IGSF21: variants seen among roughly 807,000 people sequenced by gnomAD.
The protein encoded by IGSF21 is immunoglobulin superfamily member 21.
Under a neutral mutation model 46.8 loss-of-function variants are expected in IGSF21, and 28 were observed. That is an observed-to-expected ratio of 0.60 (90% CI 0.44 to 0.82). IGSF21 has a LOEUF of 0.82. IGSF21 is among the 40% of genes least tolerant of loss of function. IGSF21 has a pLI of 0.00. For missense variants in IGSF21, 624 were observed against 665.5 expected, an observed-to-expected ratio of 0.94 and a Z score of 0.69; for synonymous variants, 284 against 273.6, an observed-to-expected ratio of 1.04 and a Z score of -0.38.
chr1:18,246,398 G>A (rs2084784083), intron 2 of IGSF21, among the ~76,000 whole-genome samples: 1 of 152,024 alleles, frequency 6.6e-6, no homozygotes, highest in Admixed American at 6.6e-5. Context: ...CCCAGCATCT[G>A]ACAGCCCTAT....
At chr1:18,115,497 C>A (rs1476715243) in intron 1 of IGSF21, 2 of 152,208 alleles carry the variant, frequency 1.3e-5, no homozygotes, top group Non-Finnish European at 2.9e-5. Flanking sequence ...AATGATGTCT[C>A]CCCTGAGCCT....
At chr1:18,371,158 A>G (rs1330778927) in intron 6 of IGSF21, among the ~76,000 whole-genome samples, 4 of 152,246 alleles carry the variant, frequency 2.6e-5, no homozygotes, top group African/African-American at 9.6e-5. Context: ...AATAATCTAA[A>G]TGTCCATAAT....
chr1:18,108,345 T>C, intron 1 of IGSF21, 147 bp downstream of exon 1: 1 of 815,058 alleles, frequency 1.2e-6, no homozygotes, highest in Non-Finnish European at 1.6e-6. Context: ...GTTGGCTCGA[T>C]GAGGGAGGGA....
intron 1 of IGSF21, among the ~76,000 whole-genome samples, chr1:18,197,502 T>G (rs2124480363): frequency 6.6e-6 from 1 of 152,382 alleles, no homozygotes; most frequent in East Asian, 1.9e-4. Context: ...CCATTCACCC[T>G]GCTGGATGTT....
intron 9 of IGSF21, among the ~76,000 whole-genome samples, chr1:18,377,958 G>C (rs1211078515): frequency 6.6e-6 from 1 of 152,122 alleles, no homozygotes; most frequent in Non-Finnish European, 1.5e-5. Context: ...CTGCTCCCAG[G>C]CCTGCCACAC....
chr1:18,216,651 C>G (rs2084451526), intron 1 of IGSF21, among the ~76,000 whole-genome samples: 1 of 152,120 alleles, frequency 6.6e-6, no homozygotes, highest in African/African-American at 2.4e-5. Flanking sequence ...GTCTTAGAGA[C>G]TGATGACCTG....
chr1:18,143,607 G>A (rs2086438480), intron 1 of IGSF21, among the ~76,000 whole-genome samples: 1 of 152,142 alleles, frequency 6.6e-6, no homozygotes, highest in African/African-American at 2.4e-5. Flanking sequence ...TGTTCCCATG[G>A]CCTGGCAGAG....
chr1:18,177,401 G>GGGGATGGGGTCAGTGAGGTA (rs59182805), intron 1 of IGSF21, among the ~76,000 whole-genome samples: 25,838 of 94,298 alleles, frequency 0.27, 3,022 homozygotes, highest in African/African-American at 0.36. Flanking sequence ...AGGTGTGTGT[G>GGGGATGGGGTCAGTGAGGTA]TGTGTGTGTG....
At chr1:18,227,836 C>A in intron 1 of IGSF21, 62 bp from the exon 2 acceptor site, 1 of 1,232,954 alleles carries the variant, frequency 8.1e-7, no homozygotes, top group South Asian at 1.2e-5. Flanking sequence ...GCCCTGCCCT[C>A]ATCAGCCCAG....
intron 1 of IGSF21, among the ~76,000 whole-genome samples, chr1:18,154,873 C>T (rs2086554351): frequency 6.6e-6 from 1 of 151,812 alleles, no homozygotes; most frequent in Non-Finnish European, 1.5e-5. Context: ...CCTTGGAGAC[C>T]CTTGCAACTG....
intron 1 of IGSF21, among the ~76,000 whole-genome samples, chr1:18,154,201 C>T (rs1401167698): frequency 1.3e-5 from 2 of 152,272 alleles, no homozygotes; most frequent in East Asian, 3.9e-4. Context: ...TCATTTGCTT[C>T]GCTGGCCTGA....
intron 1 of IGSF21, among the ~76,000 whole-genome samples, chr1:18,148,594 G>A (rs1345695225): frequency 2.0e-5 from 3 of 152,152 alleles, no homozygotes; most frequent in Non-Finnish European, 4.4e-5. Context: ...CACAACACTA[G>A]GCTGTAAATT....
Position 18,195,981 on chromosome 1 carries a change from C to T in IGSF21, c.71-31917C>T, listed in dbSNP as rs143732246. Among the ~76,000 whole-genome samples, 751 of 152,286 alleles carry T rather than the reference C, an allele frequency of 4.9e-3. 6 individuals are homozygous for T. The highest frequency in any genetic ancestry group is 8.1e-3 in the Non-Finnish European group (552 of 68,026). ...CAGGTGCAGAGCCCTTGGGCAAAAG[C>T]GAGAGCTCAGCCTTCTGGAACTGCA... On this transcript the variant is annotated intron_variant, in intron 1 of 9. Transcript: ENST00000251296.
At position 18,273,039 on chromosome 1, in the gene IGSF21, C is replaced by CTT. The variant is rs760448516; in HGVS notation, c.184-18803_184-18802dup. On this transcript the variant is annotated intron_variant, in intron 2 of 9. Coordinates refer to ENST00000251296, the MANE Select transcript of IGSF21 (RefSeq NM_032880.5). ...CTTCTCCACTAGCAGCCAGACGGATCTTTTTTTTTTTTTTTTTTTTTTTTT... is the reference window on the plus strand; with the variant it reads ...CTTCTCCACTAGCAGCCAGACGGATCTTTTTTTTTTTTTTTTTTTTTTTTTTT... 1.4e-3 allele frequency among the ~76,000 whole-genome samples: 111 copies of CTT among 80,690 alleles called. 1 individual carries two copies. The highest frequency in any genetic ancestry group is 7.2e-3 in the East Asian group (23 of 3,210). 52.9% of individuals were successfully genotyped at this position (80,690 alleles called of 152,430 possible). A position where few individuals can be genotyped will look rare whatever the true frequency, so the allele number is the denominator to read the frequency against.
intron 3 of IGSF21, among the ~76,000 whole-genome samples, chr1:18,301,077 C>T (rs1043796315): frequency 6.6e-6 from 1 of 152,202 alleles, no homozygotes; most frequent in African/African-American, 2.4e-5. Flanking sequence ...AACTCTTTCC[C>T]AACCCATCAT....
intron 2 of IGSF21, among the ~76,000 whole-genome samples, chr1:18,238,701 A>T (rs966999515): frequency 6.6e-6 from 1 of 152,140 alleles, no homozygotes; most frequent in Admixed American, 6.5e-5. Context: ...TCCACCAGTG[A>T]TGGGCTCCCA....
chr1:18,127,503 A>G (rs970053076), intron 1 of IGSF21, among the ~76,000 whole-genome samples: 1 of 151,902 alleles, frequency 6.6e-6, no homozygotes, highest in African/African-American at 2.4e-5. Context: ...CACGTGGAGA[A>G]CTTAGGGTGG....
At chr1:18,346,538 A>G (rs1210739819) in intron 4 of IGSF21, among the ~76,000 whole-genome samples, 1 of 152,092 alleles carries the variant, frequency 6.6e-6, no homozygotes, top group Non-Finnish European at 1.5e-5. Flanking sequence ...TTCCAAGCAG[A>G]AGCCACAGGA....
chr1:18,330,531 G>A (rs1357660518), intron 3 of IGSF21, among the ~76,000 whole-genome samples: 1 of 151,058 alleles, frequency 6.6e-6, no homozygotes, highest in Non-Finnish European at 1.5e-5. Context: ...GAGAAGGGAA[G>A]GTGGGAGACA....
Sources: allele counts gnomAD v4.1 joint callset (sites outside exome capture counted in the v4.1 genomes callset), GRCh38; gene constraint gnomAD v4.1.1; transcripts MANE v1.5; gene names NCBI Gene and HGNC (gene_info 2026-07-23, HGNC 2026-07-21).